The following DNAJB13 variants were observed in gnomAD, a reference collection of about 807,000 sequenced individuals.
DNAJB13 encodes DnaJ heat shock protein family (Hsp40) member B13, also known as dnaJ homolog subfamily B member 13.
Under a neutral mutation model 35.6 loss-of-function variants are expected in DNAJB13, and 22 were observed. The observed-to-expected ratio is 0.62, with a 90% CI of 0.44 to 0.88. The LOEUF (loss-of-function observed/expected upper bound fraction) is 0.88. DNAJB13 is among the 40% of genes least tolerant of loss of function. The pLI, the probability that DNAJB13 is intolerant of heterozygous loss-of-function variation, is 0.00. For missense variants in DNAJB13, 370 were observed against 384.3 expected, an observed-to-expected ratio of 0.96 and a Z score of 0.31; for synonymous variants, 136 against 144.2, an observed-to-expected ratio of 0.94 and a Z score of 0.41.
At chr11:73,960,426 C>T (rs1591186283) in intron 3 of DNAJB13, among the ~76,000 whole-genome samples, 1 of 152,282 alleles carries the variant, frequency 6.6e-6, no homozygotes, top group East Asian at 1.9e-4. Context: ...AGCTGATCTG[C>T]CCACCTCTGC....
intron 1 of DNAJB13, among the ~76,000 whole-genome samples, chr11:73,956,992 G>A (rs777397094): frequency 5.3e-5 from 8 of 152,082 alleles, no homozygotes; most frequent in Non-Finnish European, 1.2e-4. Context: ...GAACTCTGGG[G>A]ATGGCGGCGA....
chr11:73,969,848 C>T (rs1327504323), intron 7 of DNAJB13, 113 bp from the exon 8 acceptor site: 1 of 1,379,848 alleles, frequency 7.2e-7, no homozygotes, highest in Admixed American at 2.4e-5. Flanking sequence ...CAGGTGAAGA[C>T]TGCAGTGACT....
intron 4 of DNAJB13, chr11:73,965,915 G>C: frequency 3.7e-6 from 2 of 533,574 alleles, no homozygotes; most frequent in Admixed American, 3.1e-5. Context: ...ATAAGTTCTT[G>C]GTTGTCATGG....
chr11:73,966,544 G>C lies in DNAJB13; in HGVS notation c.606+293G>C, dbSNP rs151245584. 1.6e-4 allele frequency among the ~76,000 whole-genome samples: 25 copies of C among 152,212 alleles called. 1 individual carries two copies. The East Asian group carries it at 4.1e-3, about 25-fold the overall frequency. On this transcript the variant is annotated intron_variant, in intron 5 of 7. Coordinates refer to ENST00000339764, the MANE Select transcript of DNAJB13 (RefSeq NM_153614.4). Reference sequence around the variant, plus strand: ...GGACTTGCCCAGGGCAAGAACATGGGAGCTGAAAGGAGATCCCAGTCTGAA... The same window carrying C: ...GGACTTGCCCAGGGCAAGAACATGGCAGCTGAAAGGAGATCCCAGTCTGAA...
intron 1 of DNAJB13, 85 bp downstream of exon 1, chr11:73,951,222 G>A (rs1052565115): frequency 7.0e-5 from 105 of 1,498,110 alleles, no homozygotes; most frequent in Non-Finnish European, 9.0e-5. Flanking sequence ...TTCCTGCACA[G>A]CTTAGCGCAG....
chr11:73,964,843 A>T, intron 3 of DNAJB13, 35 bp from the exon 4 acceptor site: 2 of 1,589,264 alleles, frequency 1.3e-6, no homozygotes, highest in Non-Finnish European at 8.6e-7. Flanking sequence ...GTCTCTGGAT[A>T]CAATTTCTCT....
chr11:73,969,931 T>A, intron 7 of DNAJB13, 30 bp from the exon 8 acceptor site: 1 of 1,593,418 alleles, frequency 6.3e-7, no homozygotes, highest in Non-Finnish European at 8.6e-7. Context: ...TGGGATGCCC[T>A]CTATGCTCCT....
intron 1 of DNAJB13, among the ~76,000 whole-genome samples, chr11:73,957,662 C>T (rs1167651919): frequency 6.6e-6 from 1 of 152,046 alleles, no homozygotes; most frequent in East Asian, 1.9e-4. Flanking sequence ...TGGGCAGGAA[C>T]AGAAGTGGGG....
At chr11:73,962,016 C>T (rs1950945792) in intron 3 of DNAJB13, among the ~76,000 whole-genome samples, 1 of 152,156 alleles carries the variant, frequency 6.6e-6, no homozygotes, top group Non-Finnish European at 1.5e-5. Flanking sequence ...TGGTTTTGAA[C>T]TCCTGACCTC....
At chr11:73,955,346 C>A (rs12795047) in intron 1 of DNAJB13, among the ~76,000 whole-genome samples, 2 of 148,950 alleles carry the variant, frequency 1.3e-5, no homozygotes, top group African/African-American at 5.0e-5. Context: ...TCTCTCTCTG[C>A]CACCCAGGCT....
rs145337088 is a variant in DNAJB13, at chr11:73,953,248, G to A, written c.68+2111G>A. ...TCAAAAAAATAAAAATGGCTGGGCC[G>A]GGCACCGTGGCTCATGCCTGTAATC... On this transcript the variant is annotated intron_variant, in intron 1 of 7. Coordinates refer to ENST00000339764, the MANE Select transcript of DNAJB13 (RefSeq NM_153614.4). 4.3e-3 allele frequency among the ~76,000 whole-genome samples: 651 copies of A among 152,164 alleles called. 6 individuals carry two copies. The highest frequency in any genetic ancestry group is 0.014 in the African/African-American group (598 of 41,512).
chr11:73,951,267 C>T, intron 1 of DNAJB13, 130 bp downstream of exon 1: 2 of 1,122,226 alleles, frequency 1.8e-6, no homozygotes, highest in Non-Finnish European at 2.6e-6. Flanking sequence ...TCACTTCTTG[C>T]ATACCTGTAT....
chr11:73,956,360 A>G (rs534562337), intron 1 of DNAJB13, among the ~76,000 whole-genome samples: 32 of 152,274 alleles, frequency 2.1e-4, no homozygotes, highest in Non-Finnish European at 3.5e-4. Flanking sequence ...GTCATGCAGG[A>G]GAGGTCAAGG....
At chr11:73,957,694 T>C (rs1591179745) in intron 1 of DNAJB13, among the ~76,000 whole-genome samples, 1 of 151,336 alleles carries the variant, frequency 6.6e-6, no homozygotes, top group East Asian at 1.9e-4. Flanking sequence ...AGAGAGAGGG[T>C]GGGGGCGGCA....
At chr11:73,966,116 C>T in intron 4 of DNAJB13, 22 bp from the exon 5 acceptor site, 2 of 1,602,834 alleles carry the variant, frequency 1.2e-6, no homozygotes, top group Non-Finnish European at 1.7e-6. Flanking sequence ...CAGACCTCCC[C>T]ACACCTGATA....
chr11:73,957,334 A>T lies in DNAJB13; in HGVS notation c.69-983A>T, dbSNP rs1048389154. On this transcript the variant is annotated intron_variant, in intron 1 of 7. Transcript: ENST00000339764. ...GGGCCCTGTCCACACACTCCAACAG[A>T]CCCCTCGGGGTTCCTGGCCTGGGAA... Among the ~76,000 whole-genome samples, 4 of 151,770 alleles carry T rather than the reference A, an allele frequency of 2.6e-5. No individual in the cohort carries two copies. The South Asian group carries it at 8.4e-4, about 32-fold the overall frequency.
chr11:73,966,188 C>G lies in DNAJB13; in HGVS notation c.543C>G (p.Thr181=), dbSNP rs761700862. 2 of 1,613,834 alleles carry G rather than the reference C, an allele frequency of 1.2e-6. No homozygotes were observed. The highest frequency in any genetic ancestry group is 1.7e-6 in the Non-Finnish European group (2 of 1,179,980). ...CCACCATCAAGGACAAGATCCTGACCATTGATGTGAAGCCCGGTTGGAGGC... is the reference window on the plus strand; with the variant it reads ...CCACCATCAAGGACAAGATCCTGACGATTGATGTGAAGCCCGGTTGGAGGC... ...YSSTIKDKIL[T]IDVKPGWRQG... The change falls in exon 5 of 8, where the codon ACC becomes ACG. Residue 181 remains threonine, a synonymous_variant. Transcript: ENST00000339764.
intron 3 of DNAJB13, among the ~76,000 whole-genome samples, chr11:73,962,954 C>T (rs1267313468): frequency 6.6e-6 from 1 of 152,190 alleles, no homozygotes; most frequent in African/African-American, 2.4e-5. Context: ...GAAACCCCAG[C>T]TTCCTAACCA....
At position 73,958,297 on chromosome 11, in the gene DNAJB13, A is replaced by G; in HGVS notation, c.69-20A>G. 1 of 1,613,004 alleles carries G rather than the reference A, an allele frequency of 6.2e-7. No homozygotes were observed. Among genetic ancestry groups the G allele is most frequent in the Middle Eastern group, 1.6e-4 (1 of 6,062 alleles). ...AAACAGACCAGCTGATAAGACTTGT[A>G]TTAATTCTCCCTCTTCCAGGTACCG... On this transcript the variant is annotated intron_variant, in intron 1 of 7. Transcript: ENST00000339764.
Sources: gnomAD v4.1 joint callset for allele counts (sites outside exome capture counted in the v4.1 genomes callset) on GRCh38, gnomAD v4.1.1 for gene constraint, MANE v1.5 for transcripts, NCBI Gene and HGNC (gene_info 2026-07-23, HGNC 2026-07-21) for gene names.